The following SLC43A2 variants were observed in gnomAD, a reference collection of about 807,000 sequenced individuals.
SLC43A2 encodes solute carrier family 43 member 2.
SLC43A2 carries 38 observed loss-of-function variants against 63.2 expected under a neutral mutation model. That is an observed-to-expected ratio of 0.60 (90% CI 0.46 to 0.79). The LOEUF (loss-of-function observed/expected upper bound fraction) is 0.79, where lower values mean the gene tolerates loss of function less well. Among genes scored for constraint, SLC43A2 ranks in the 30% least tolerant of loss-of-function variants. The pLI is 0.00. For missense variants in SLC43A2, 644 were observed against 756.2 expected, an observed-to-expected ratio of 0.85 and a Z score of 1.74; for synonymous variants, 322 against 331.0, an observed-to-expected ratio of 0.97 and a Z score of 0.30.
intron 5 of SLC43A2, among the ~76,000 whole-genome samples, chr17:1,600,294 G>A (rs1905851042): frequency 7.1e-6 from 1 of 141,556 alleles, no homozygotes; most frequent in Admixed American, 7.4e-5. Flanking sequence ...AGGGTTACAG[G>A]TGCCTGCCAC....
chr17:1,611,130 C>T (rs1907061663), intron 5 of SLC43A2, among the ~76,000 whole-genome samples: 1 of 151,884 alleles, frequency 6.6e-6, no homozygotes. Flanking sequence ...AGGTGTGAGC[C>T]ACCGCACCCG....
At chr17:1,589,714 G>A (rs1479870076) in intron 9 of SLC43A2, among the ~76,000 whole-genome samples, 1 of 152,160 alleles carries the variant, frequency 6.6e-6, no homozygotes, top group African/African-American at 2.4e-5. Context: ...CCACCTCCTG[G>A]GTTCAAGCAA....
chr17:1,588,543 A>G (rs947998361), intron 9 of SLC43A2, among the ~76,000 whole-genome samples: 4 of 151,338 alleles, frequency 2.6e-5, no homozygotes, highest in Admixed American at 2.6e-4. Context: ...AAAAAAAAAA[A>G]CAAATTAGCC....
rs746578009 is a variant in SLC43A2, at chr17:1,583,461, C to A, written c.1218-125G>T. Reference sequence around the variant, plus strand: ...GCAAGACTCAGAAGCCACCCAGGCACGTTTTAGGGACTGTGTCGGGGCTGG... The same window carrying A: ...GCAAGACTCAGAAGCCACCCAGGCAAGTTTTAGGGACTGTGTCGGGGCTGG... On this transcript the variant is annotated intron_variant, in intron 10 of 13. Transcript: ENST00000301335. This position sits in a 1 kb window ranked among gnomAD's most constrained non-coding sequence, Gnocchi z 5.5. 17 of 1,499,636 alleles carry A rather than the reference C, an allele frequency of 1.1e-5. No individual in the cohort carries two copies. Among genetic ancestry groups the A allele is most frequent in the East Asian group, 4.7e-5 (2 of 42,756 alleles). 92.9% of individuals were successfully genotyped at this position (1,499,636 alleles called of 1,614,324 possible).
At chr17:1,614,440 C>CAACA in intron 4 of SLC43A2, among the ~76,000 whole-genome samples, 1 of 131,012 alleles carries the variant, frequency 7.6e-6, no homozygotes, top group Non-Finnish European at 1.8e-5. Flanking sequence ...ACAACAACAA[C>CAACA]AAAAAAACAA....
intron 5 of SLC43A2, among the ~76,000 whole-genome samples, chr17:1,598,407 C>T (rs964254973): frequency 4.1e-5 from 6 of 145,568 alleles, no homozygotes; most frequent in African/African-American, 8.1e-5. Context: ...GGTGACAGAA[C>T]GAGACTCTGT....
In SLC43A2 at chr17:1,627,723, G is replaced by C. The variant is rs766070784; in HGVS notation, c.152C>G (p.Thr51Ser). 8.9e-6 allele frequency: 14 copies of C among 1,573,534 alleles called. No individual in the cohort carries two copies. The highest frequency in any genetic ancestry group is 6.9e-6 in the Non-Finnish European group (8 of 1,160,852). ...CCAGGCGCTTGTCTCACCTGGCTCG[G>C]TACACAGGTAGGAGTAAAAGCCCTC... The part of the protein sequence containing the change: ...KSEGFYSYLC[T>S]EPENVTNGTV... The change falls in exon 2 of 14, where the codon ACC becomes AGC. Residue 51 changes from threonine (T) to serine (S), a missense_variant. Transcript: ENST00000301335.
intron 5 of SLC43A2, chr17:1,604,733 C>A: frequency 6.5e-7 from 1 of 1,535,830 alleles, no homozygotes; most frequent in African/African-American, 1.4e-5. Flanking sequence ...CTGCCCCCTG[C>A]CCTCACCTCC....
At chr17:1,620,762 C>A (rs1908084443) in intron 2 of SLC43A2, among the ~76,000 whole-genome samples, 1 of 152,110 alleles carries the variant, frequency 6.6e-6, no homozygotes, top group African/African-American at 2.4e-5. Flanking sequence ...CCCACATGCA[C>A]CCAGCAGATG....
intron 9 of SLC43A2, among the ~76,000 whole-genome samples, chr17:1,588,467 A>T (rs1348469888): frequency 6.6e-6 from 1 of 151,152 alleles, no homozygotes; most frequent in Admixed American, 6.6e-5. Flanking sequence ...GAGGTGGGAG[A>T]ACTGCTTGAG....
intron 6 of SLC43A2, 94 bp from the exon 7 acceptor site, chr17:1,591,793 C>T: frequency 1.0e-6 from 1 of 966,366 alleles, no homozygotes; most frequent in Non-Finnish European, 1.6e-6. Context: ...TCTGGCCACC[C>T]CTGCTGTCCC....
chr17:1,592,158 G>C lies in SLC43A2; in HGVS notation c.595-459C>G, dbSNP rs150353030. On this transcript the variant is annotated intron_variant, in intron 6 of 13. Transcript: ENST00000301335. ...GAAATGCTCAAGGAAGCCAGGCATG[G>C]TGGCTCACGCCTGTAATCCCAGCAC... 9.5e-4 allele frequency among the ~76,000 whole-genome samples: 142 copies of C among 149,838 alleles called. 1 individual carries two copies. Among genetic ancestry groups the C allele is most frequent in the African/African-American group, 3.4e-3 (139 of 41,058 alleles).
rs1430146340 is a variant in SLC43A2 at position 1,605,567 on chromosome 17, T to TGGTGGGTGGGGGCTGCGGAGCTGGGA, written c.501+7602_501+7627dup. ...GCCTGCAGGAGGCTGGGGAGCTGGG[T>TGGTGGGTGGGGGCTGCGGAGCTGGGA]GGTGGGTGGGGGCTGCGGAGCTGGG... is the stretch of plus-strand genomic sequence containing the variant. On this transcript the variant is annotated intron_variant, in intron 5 of 13. Transcript: ENST00000301335. This position sits in a 1 kb window ranked among gnomAD's most constrained non-coding sequence, Gnocchi z 4.9. Among the ~76,000 whole-genome samples, 1 of 50,544 alleles carries TGGTGGGTGGGGGCTGCGGAGCTGGGA rather than the reference T, an allele frequency of 2.0e-5. No homozygotes were observed. Among genetic ancestry groups the TGGTGGGTGGGGGCTGCGGAGCTGGGA allele is most frequent in the Non-Finnish European group, 3.8e-5 (1 of 26,178 alleles). The allele number at this position is 50,544 out of a possible 152,430, so 33.2% of individuals were successfully genotyped here.
chr17:1,619,938 G>A (rs1037718879), intron 2 of SLC43A2, among the ~76,000 whole-genome samples: 3 of 152,174 alleles, frequency 2.0e-5, no homozygotes, highest in African/African-American at 7.2e-5. Context: ...CAGGAGCCAC[G>A]GGGACAAGGA....
intron 2 of SLC43A2, among the ~76,000 whole-genome samples, chr17:1,624,451 C>G (rs1433313626): frequency 6.6e-6 from 1 of 151,830 alleles, no homozygotes. Context: ...ACCTGTAATC[C>G]CAGTGCTTTG....
In SLC43A2 at chr17:1,578,052, C is replaced by G. The variant is rs2075960222; in HGVS notation, c.1424+198G>C. ...GCTTGTGAGCACCCAACTGTCTGCC[C>G]ACTGACCTGCTTCCCACGAGGTATG... On this transcript the variant is annotated intron_variant, in intron 12 of 13. Coordinates refer to ENST00000301335, the MANE Select transcript of SLC43A2 (RefSeq NM_152346.3). This position sits in a 1 kb window ranked among gnomAD's most constrained non-coding sequence, Gnocchi z 6.5. Among the ~76,000 whole-genome samples the G allele has an allele frequency of 6.6e-6, 1 of 152,200 alleles. No homozygotes were observed. The highest frequency in any genetic ancestry group is 2.1e-4 in the South Asian group (1 of 4,828).
Position 1,606,289 on chromosome 17 carries a change from G to A in SLC43A2, c.501+6906C>T, listed in dbSNP as rs942264981. On this transcript the variant is annotated intron_variant, in intron 5 of 13. Transcript: ENST00000301335. The surrounding 1 kb of genome is among the most constrained non-coding windows in gnomAD (Gnocchi z 4.7). ...CCTCTCTGGGGGCATCTGCCATCCT[G>A]CCCTCCTCTCCAGGATCTGAAGAGG... 1.3e-5 allele frequency among the ~76,000 whole-genome samples: 2 copies of A among 152,110 alleles called. No homozygotes were observed. The highest frequency in any genetic ancestry group is 2.9e-5 in the Non-Finnish European group (2 of 68,014).
At position 1,625,958 on chromosome 17, in the gene SLC43A2, C is replaced by T. The variant is rs183368801; in HGVS notation, c.160+1757G>A. On this transcript the variant is annotated intron_variant, in intron 2 of 13. Transcript: ENST00000301335. Reference sequence around the variant, plus strand: ...GAGGCAGGAATGAAAGGACCAGACCCAATTCTGCCAAAACCATACAATCAA... The same window carrying T: ...GAGGCAGGAATGAAAGGACCAGACCTAATTCTGCCAAAACCATACAATCAA... Among the ~76,000 whole-genome samples, 493 of 150,882 alleles carry T rather than the reference C, an allele frequency of 3.3e-3. 3 individuals are homozygous for T. The highest frequency in any genetic ancestry group is 3.4e-3 in the Admixed American group (52 of 15,102).
intron 2 of SLC43A2, among the ~76,000 whole-genome samples, chr17:1,622,555 ACT>A (rs1463333265): frequency 6.8e-6 from 1 of 146,278 alleles, no homozygotes; most frequent in African/African-American, 2.6e-5. Flanking sequence ...ACAGAGCAAG[ACT>A]CTGTCTCAAA....
Sources: allele counts gnomAD v4.1 joint callset (sites outside exome capture counted in the v4.1 genomes callset), GRCh38; gene constraint gnomAD v4.1.1; non-coding constraint Gnocchi (gnomAD v3.1); transcripts MANE v1.5; gene names NCBI Gene and HGNC (gene_info 2026-07-23, HGNC 2026-07-21).